The following XXYLT1 variants were observed in gnomAD, a reference collection of about 807,000 sequenced individuals.
XXYLT1 encodes UDP-xylose:alpha-xyloside alpha-1,3-xylosyltransferase.
XXYLT1 carries 20 observed loss-of-function variants against 28.9 expected under a neutral mutation model. The ratio of observed to expected loss-of-function variants is 0.69; its 90% CI spans 0.49 to 1.00. The LOEUF (loss-of-function observed/expected upper bound fraction) is 1.00. Ranked by LOEUF, XXYLT1 falls within the 50% of genes least tolerant of loss-of-function variation. The probability of loss-of-function intolerance (pLI) is 0.00; values close to 1 mark genes in which losing one functional copy is unlikely to be tolerated. For missense variants in XXYLT1, 542 were observed against 560.1 expected, an observed-to-expected ratio of 0.97 and a Z score of 0.33; for synonymous variants, 257 against 253.8, an observed-to-expected ratio of 1.01 and a Z score of -0.12.
intron 3 of XXYLT1, among the ~76,000 whole-genome samples, chr3:195,105,051 G>A (rs1019480761): frequency 2.6e-5 from 4 of 152,180 alleles, no homozygotes; most frequent in African/African-American, 4.8e-5. Context: ...TGGCTGCGCC[G>A]CATTTGGAAA....
At chr3:195,157,087 A>G (rs528659135) in intron 2 of XXYLT1, among the ~76,000 whole-genome samples, 22 of 152,138 alleles carry the variant, frequency 1.4e-4, no homozygotes, top group African/African-American at 5.3e-4. Flanking sequence ...TACTAAAAAT[A>G]CAAAAATTAG....
At chr3:195,183,140 T>A (rs1353731475) in intron 2 of XXYLT1, among the ~76,000 whole-genome samples, 3 of 152,182 alleles carry the variant, frequency 2.0e-5, no homozygotes, top group Non-Finnish European at 2.9e-5. Flanking sequence ...CTAAATTCAT[T>A]ACCCTGTTCC....
intron 3 of XXYLT1, among the ~76,000 whole-genome samples, chr3:195,145,377 G>T (rs7643590): frequency 0.014 from 2,101 of 147,442 alleles, 54 homozygotes; most frequent in African/African-American, 0.05. Flanking sequence ...GACTGGCACT[G>T]ATGGGGCCCT....
chr3:195,072,446 A>G (rs1220507006), intron 3 of XXYLT1, among the ~76,000 whole-genome samples: 3 of 152,182 alleles, frequency 2.0e-5, no homozygotes, highest in Non-Finnish European at 4.4e-5. Context: ...AGGAGCAAAC[A>G]GTGAACTAGC....
chr3:195,109,478 ATG>A (rs376157411), intron 3 of XXYLT1, among the ~76,000 whole-genome samples: 2,095 of 137,714 alleles, frequency 0.015, 42 homozygotes, highest in African/African-American at 0.054. Context: ...ATATGTGTGC[ATG>A]TGTGTGTGAG....
chr3:195,199,605 G>A (rs557410875), intron 2 of XXYLT1, among the ~76,000 whole-genome samples: 1 of 151,174 alleles, frequency 6.6e-6, no homozygotes, highest in South Asian at 2.1e-4. Flanking sequence ...AGTGAGACTC[G>A]GTCTCAAAAG....
At chr3:195,221,066 C>T (rs1577163620) in intron 2 of XXYLT1, among the ~76,000 whole-genome samples, 1 of 144,868 alleles carries the variant, frequency 6.9e-6, no homozygotes, top group Non-Finnish European at 1.5e-5. Flanking sequence ...TTCTCCTCCA[C>T]GGCATTCCTC....
chr3:195,163,587 T>C (rs1577097171), intron 2 of XXYLT1, among the ~76,000 whole-genome samples: 1 of 152,246 alleles, frequency 6.6e-6, no homozygotes, highest in African/African-American at 2.4e-5. Context: ...ATAAAACTCC[T>C]TCCCATGCTT....
At chr3:195,234,781 G>A (rs553380210) in intron 1 of XXYLT1, among the ~76,000 whole-genome samples, 2 of 152,076 alleles carry the variant, frequency 1.3e-5, no homozygotes, top group Non-Finnish European at 2.9e-5. Flanking sequence ...CTACTTTTAG[G>A]ATCCTTTCTT....
intron 3 of XXYLT1, among the ~76,000 whole-genome samples, chr3:195,108,649 C>A (rs1717279370): frequency 6.6e-6 from 1 of 152,232 alleles, no homozygotes; most frequent in Non-Finnish European, 1.5e-5. Flanking sequence ...GTCTGCTGCT[C>A]CTAGGCTACA....
intron 2 of XXYLT1, among the ~76,000 whole-genome samples, chr3:195,174,278 C>T (rs890712125): frequency 6.6e-6 from 1 of 152,138 alleles, no homozygotes; most frequent in Non-Finnish European, 1.5e-5. Context: ...AGGAAACACA[C>T]GGGCTCTCTT....
intron 2 of XXYLT1, among the ~76,000 whole-genome samples, chr3:195,222,211 G>C (rs1376546936): frequency 2.0e-5 from 3 of 152,242 alleles, no homozygotes; most frequent in Non-Finnish European, 2.9e-5. Context: ...CTGGACATCA[G>C]AATGGGCATA....
At chr3:195,223,565 T>G (rs1227765066) in intron 2 of XXYLT1, among the ~76,000 whole-genome samples, 1 of 152,086 alleles carries the variant, frequency 6.6e-6, no homozygotes, top group Non-Finnish European at 1.5e-5. Flanking sequence ...AAAACAACAC[T>G]CATTTCTATG....
chr3:195,122,009 A>T (rs1467986935), intron 3 of XXYLT1: 1 of 702,766 alleles, frequency 1.4e-6, no homozygotes. Context: ...CATAAACCAC[A>T]GAAGTCAAGT....
intron 1 of XXYLT1, among the ~76,000 whole-genome samples, chr3:195,238,226 A>G (rs1190045225): frequency 6.6e-6 from 1 of 151,942 alleles, no homozygotes; most frequent in East Asian, 1.9e-4. Flanking sequence ...GATGACCTAC[A>G]TCCTTGCATG....
chr3:195,085,329 G>A (rs1471847084), intron 3 of XXYLT1, among the ~76,000 whole-genome samples: 10 of 152,152 alleles, frequency 6.6e-5, no homozygotes, highest in Non-Finnish European at 4.4e-5. Context: ...CACAGTCCTG[G>A]TCCCCACCCC....
Position 195,176,692 on chromosome 3 carries a change from A to C in XXYLT1, c.653-20111T>G, listed in dbSNP as rs887225335. 1.3e-5 allele frequency among the ~76,000 whole-genome samples: 2 copies of C among 152,222 alleles called. No homozygotes were observed. The highest frequency in any genetic ancestry group is 4.8e-5 in the African/African-American group (2 of 41,448). On this transcript the variant is annotated intron_variant, in intron 2 of 3. Coordinates refer to ENST00000310380, the MANE Select transcript of XXYLT1 (RefSeq NM_152531.5). The surrounding 1 kb of genome is among the most constrained non-coding windows in gnomAD (Gnocchi z 4.9). ...GACAGTAATCTGTATCCCACACCACAGCTGGCACTCCCTTACGCTTACCTA... is the reference window on the plus strand; with the variant it reads ...GACAGTAATCTGTATCCCACACCACCGCTGGCACTCCCTTACGCTTACCTA...
chr3:195,099,692 G>A (rs548058374), intron 3 of XXYLT1, among the ~76,000 whole-genome samples: 53 of 152,168 alleles, frequency 3.5e-4, no homozygotes, highest in African/African-American at 1.2e-3. Flanking sequence ...TTAGCCGGGC[G>A]TGGTGGTGGG....
intron 3 of XXYLT1, among the ~76,000 whole-genome samples, chr3:195,084,027 CA>C (rs879868701): frequency 6.3e-4 from 88 of 140,370 alleles, no homozygotes; most frequent in Middle Eastern, 3.5e-3. Context: ...AAATCGGTCT[CA>C]AAAAAAAAAA....
Sources: gnomAD v4.1 joint callset for allele counts (sites outside exome capture counted in the v4.1 genomes callset) on GRCh38, gnomAD v4.1.1 for gene constraint, Gnocchi (gnomAD v3.1) non-coding constraint, MANE v1.5 for transcripts, NCBI Gene and HGNC (gene_info 2026-07-23, HGNC 2026-07-21) for gene names.